PBX3: variants seen among roughly 807,000 people sequenced by gnomAD.
PBX3 encodes the protein pre-B-cell leukemia transcription factor 3.
Under a neutral mutation model 48.5 loss-of-function variants are expected in PBX3, and 14 were observed. The observed-to-expected ratio is 0.29, with a 90% CI of 0.19 to 0.45. PBX3 has a LOEUF of 0.45. PBX3 is among the 20% of genes least tolerant of loss of function. The pLI, the probability that PBX3 is intolerant of heterozygous loss-of-function variation, is 1.00. For synonymous variants in PBX3, 210 were observed against 200.3 expected (o/e 1.05, Z -0.41); for missense variants, 386 against 546.7 (o/e 0.71, Z 2.93).
chr9:125,830,275 ATTT>A (rs909899258), intron 2 of PBX3, among the ~76,000 whole-genome samples: 1 of 152,162 alleles, frequency 6.6e-6, no homozygotes, highest in African/African-American at 2.4e-5. Flanking sequence ...TATATAATCT[ATTT>A]TATTGTTCAT....
intron 2 of PBX3, among the ~76,000 whole-genome samples, chr9:125,893,634 A>G (rs968845256): frequency 6.6e-6 from 1 of 152,220 alleles, no homozygotes; most frequent in African/African-American, 2.4e-5. Context: ...ATTGTAATGC[A>G]TGTGCATTGG....
chr9:125,859,481 G>T (rs1475949239), intron 2 of PBX3, among the ~76,000 whole-genome samples: 2 of 152,148 alleles, frequency 1.3e-5, no homozygotes, highest in Non-Finnish European at 2.9e-5. Flanking sequence ...CTTATGTTTG[G>T]TGCTTTTTGT....
chr9:125,898,034 A>G (rs1465867313), intron 2 of PBX3, among the ~76,000 whole-genome samples: 1 of 151,884 alleles, frequency 6.6e-6, no homozygotes, highest in African/African-American at 2.4e-5. Flanking sequence ...TAAGAATTCT[A>G]ACTTGAGCCT....
intron 2 of PBX3, among the ~76,000 whole-genome samples, chr9:125,879,332 C>T (rs1263189889): frequency 6.6e-6 from 1 of 152,000 alleles, no homozygotes; most frequent in Non-Finnish European, 1.5e-5. Context: ...CAGCGCACCT[C>T]GGCCTCCCAA....
At chr9:125,919,399 C>T (rs139072807) in intron 3 of PBX3, among the ~76,000 whole-genome samples, 5,141 of 129,062 alleles carry the variant, frequency 0.04, 337 homozygotes, top group African/African-American at 0.14. Flanking sequence ...TTGGTAGAGA[C>T]GGGGTTTCAC....
At chr9:125,911,341 A>G (rs145043389) in intron 2 of PBX3, among the ~76,000 whole-genome samples, 126 of 152,250 alleles carry the variant, frequency 8.3e-4, no homozygotes, top group African/African-American at 2.9e-3. Flanking sequence ...TTCTTCATCT[A>G]TAGTTTGGGT....
At chr9:125,777,880 A>T (rs1837118999) in intron 2 of PBX3, among the ~76,000 whole-genome samples, 1 of 151,478 alleles carries the variant, frequency 6.6e-6, no homozygotes, top group Non-Finnish European at 1.5e-5. Context: ...TATTTGTATA[A>T]TTCTCTCATA....
chr9:125,757,784 C>T (rs1836559921), intron 2 of PBX3, among the ~76,000 whole-genome samples: 1 of 152,108 alleles, frequency 6.6e-6, no homozygotes, highest in Non-Finnish European at 1.5e-5. Context: ...GAGCTTTATG[C>T]AGAGGTTTTC....
At chr9:125,816,464 C>T (rs1838466612) in intron 2 of PBX3, among the ~76,000 whole-genome samples, 1 of 152,186 alleles carries the variant, frequency 6.6e-6, no homozygotes, top group Non-Finnish European at 1.5e-5. Flanking sequence ...TTCTATGGTG[C>T]TTTTACATTG....
chr9:125,844,384 C>T (rs1839372492), intron 2 of PBX3, among the ~76,000 whole-genome samples: 2 of 149,512 alleles, frequency 1.3e-5, no homozygotes, highest in South Asian at 4.2e-4. Context: ...ATAATGGATT[C>T]ATCACATTAT....
chr9:125,803,394 G>A (rs1234301919), intron 2 of PBX3, among the ~76,000 whole-genome samples: 3 of 151,784 alleles, frequency 2.0e-5, no homozygotes, highest in Admixed American at 2.0e-4. Context: ...GGCCCCCACT[G>A]ATGTCTTTTA....
intron 2 of PBX3, among the ~76,000 whole-genome samples, chr9:125,899,360 A>AAT (rs201185950): frequency 1.9e-5 from 2 of 107,544 alleles, no homozygotes; most frequent in African/African-American, 8.1e-5. Context: ...TTTTTATATA[A>AAT]ATATATACAT....
intron 2 of PBX3, among the ~76,000 whole-genome samples, chr9:125,811,483 G>T (rs1838288765): frequency 6.6e-6 from 1 of 152,174 alleles, no homozygotes; most frequent in Admixed American, 6.5e-5. Context: ...AGATCCGATG[G>T]TTTTATAAGG....
At chr9:125,920,107 A>G (rs888550044) in intron 3 of PBX3, among the ~76,000 whole-genome samples, 18 of 152,240 alleles carry the variant, frequency 1.2e-4, no homozygotes. Context: ...CCAAAAGGAA[A>G]CAAAACTATT....
chr9:125,861,387 C>A (rs1308832819), intron 2 of PBX3, among the ~76,000 whole-genome samples: 1 of 152,118 alleles, frequency 6.6e-6, no homozygotes, highest in African/African-American at 2.4e-5. Context: ...TCCTCCTACA[C>A]AGCTGGTGGG....
intron 3 of PBX3, among the ~76,000 whole-genome samples, chr9:125,917,602 T>TC (rs1308348391): frequency 6.6e-6 from 1 of 152,160 alleles, no homozygotes; most frequent in African/African-American, 2.4e-5. Flanking sequence ...ACTGATTTTT[T>TC]CCCCTCTACA....
intron 2 of PBX3, chr9:125,749,327 T>C (rs2131940656): frequency 6.6e-6 from 1 of 152,368 alleles, no homozygotes; most frequent in South Asian, 2.1e-4. Context: ...GCAGAAGTGC[T>C]GGAATGAAAA....
intron 2 of PBX3, among the ~76,000 whole-genome samples, chr9:125,821,576 A>G (rs1283810647): frequency 6.6e-6 from 1 of 152,156 alleles, no homozygotes; most frequent in Non-Finnish European, 1.5e-5. Context: ...TATTGTCTAA[A>G]TAAAGAAATC....
Position 125,794,705 on chromosome 9 carries a change from T to TG in PBX3, c.274+46082_274+46083insG, listed in dbSNP as rs1279970907. On this transcript the variant is annotated intron_variant, in intron 2 of 8. Coordinates refer to ENST00000373489, the MANE Select transcript of PBX3 (RefSeq NM_006195.6). ...AAAGTAGGAGACTCATGGCTGTTTT[T>TG]TTTTTTTTTTAACAGTCCCATAAGT... is the stretch of plus-strand genomic sequence containing the variant. Among the ~76,000 whole-genome samples the TG allele has an allele frequency of 5.3e-5, 8 of 151,710 alleles. 1 individual carries two copies. The highest frequency in any genetic ancestry group is 3.9e-4 in the East Asian group (2 of 5,178).
Sources: gnomAD v4.1 joint callset for allele counts (sites outside exome capture counted in the v4.1 genomes callset) on GRCh38, gnomAD v4.1.1 for gene constraint, MANE v1.5 for transcripts, NCBI Gene and HGNC (gene_info 2026-07-23, HGNC 2026-07-21) for gene names.